PALD1: variants seen among roughly 807,000 people sequenced by gnomAD.
PALD1 encodes the protein paladin.
In PALD1, 57 loss-of-function variants were observed where a neutral mutation model predicts 96.0. The observed-to-expected ratio is 0.59, with a 90% CI of 0.48 to 0.74. PALD1 has a LOEUF of 0.74. PALD1 is among the 30% of genes least tolerant of loss of function. The probability of loss-of-function intolerance (pLI) is 0.00; values close to 1 mark genes in which losing one functional copy is unlikely to be tolerated. For synonymous variants in PALD1, 464 were observed against 473.6 expected (o/e 0.98, Z 0.26); for missense variants, 1,063 against 1,143.7 (o/e 0.93, Z 1.02).
the PALD1 span, among the ~76,000 whole-genome samples, chr10:70,465,435 G>C: frequency 6.6e-6 from 1 of 152,182 alleles, no homozygotes; most frequent in Non-Finnish European, 1.5e-5. Context: ...TCTGTAGAAG[G>C]CAGAGGCCCT....
chr10:70,555,999 TCAAAA>T (rs1847601721), intron 18 of PALD1, among the ~76,000 whole-genome samples: 2 of 150,652 alleles, frequency 1.3e-5, no homozygotes, highest in Admixed American at 6.6e-5. Flanking sequence ...AGACTCCATC[TCAAAA>T]CAAAACAAAA....
intron 1 of PALD1, among the ~76,000 whole-genome samples, chr10:70,504,482 C>T (rs1846350593): frequency 6.6e-6 from 1 of 152,226 alleles, no homozygotes; most frequent in African/African-American, 2.4e-5. Flanking sequence ...GAGATCGTGC[C>T]ACTGCACTCC....
rs557493069 is a variant in PALD1 at position 70,532,556 on chromosome 10, C to G, written c.634-65C>G. ...TGGTCTGGTCACTCCAGAGCTCAGC[C>G]AGGACACTCAGGGAGGGTCTTGAAG... is the stretch of plus-strand genomic sequence containing the variant. On this transcript the variant is annotated intron_variant, in intron 5 of 19. Coordinates refer to ENST00000263563, the MANE Select transcript of PALD1 (RefSeq NM_014431.3). 286 of 1,541,804 alleles carry G rather than the reference C, an allele frequency of 1.9e-4. 4 individuals are homozygous for G. The Middle Eastern group carries it at 3.8e-3, about 20-fold the overall frequency.
chr10:70,515,637 C>T (rs1295981471), intron 1 of PALD1, among the ~76,000 whole-genome samples: 3 of 152,158 alleles, frequency 2.0e-5, no homozygotes, highest in Non-Finnish European at 4.4e-5. Flanking sequence ...GGAGTTGGAG[C>T]CCTCGCTGTG....
At position 70,539,361 on chromosome 10, in the gene PALD1, G is replaced by T; in HGVS notation, c.1725+114G>T. On this transcript the variant is annotated intron_variant, in intron 14 of 19. Transcript: ENST00000263563. The surrounding 1 kb of genome is among the most constrained non-coding windows in gnomAD (Gnocchi z 4.5). ...AGACAGATGGAGAATCTGAGGCCCC[G>T]GGAGGAGCAGTGTCAGGGAGTGGCC... The T allele has an allele frequency of 8.4e-7, 1 of 1,197,350 alleles. No individual in the cohort carries two copies. 74.2% of individuals were successfully genotyped at this position (1,197,350 alleles called of 1,614,324 possible).
chr10:70,533,120 C>T, intron 7 of PALD1, 50 bp downstream of exon 7: 1 of 1,463,274 alleles, frequency 6.8e-7, no homozygotes, highest in South Asian at 1.2e-5. Flanking sequence ...GAGTCGTCCC[C>T]ATGGAGGTGC....
At chr10:70,542,645 T>C (rs1284627489) in intron 17 of PALD1, among the ~76,000 whole-genome samples, 1 of 152,236 alleles carries the variant, frequency 6.6e-6, no homozygotes, top group Non-Finnish European at 1.5e-5. Flanking sequence ...TCCCATTGTA[T>C]GGATAGACCA....
intron 1 of PALD1, among the ~76,000 whole-genome samples, chr10:70,490,215 G>T (rs920128479): frequency 2.7e-5 from 4 of 150,894 alleles, no homozygotes; most frequent in South Asian, 2.1e-4. Context: ...GAGCCACCAC[G>T]CCTGGCCCTC....
chr10:70,534,330 G>T, intron 8 of PALD1, 95 bp from the exon 9 acceptor site: 1 of 851,468 alleles, frequency 1.2e-6, no homozygotes, highest in African/African-American at 1.7e-5. Flanking sequence ...CTGTAGTCTG[G>T]TGTCCCCCAG....
At chr10:70,534,575 C>A in intron 9 of PALD1, 51 bp downstream of exon 9, 2 of 1,324,756 alleles carry the variant, frequency 1.5e-6, no homozygotes, top group South Asian at 1.2e-5. Flanking sequence ...AGGGGACGGT[C>A]ACTCCTCTCA....
intron 2 of PALD1, among the ~76,000 whole-genome samples, chr10:70,527,412 G>A (rs10999374): frequency 0.46 from 69,814 of 151,964 alleles, 17,153 homozygotes; most frequent in Middle Eastern, 0.59. Flanking sequence ...CCAATAGAGG[G>A]GTCAGCAAAC....
At chr10:70,560,605 T>C (rs1847718558) in intron 18 of PALD1, among the ~76,000 whole-genome samples, 1 of 151,792 alleles carries the variant, frequency 6.6e-6, no homozygotes, top group Admixed American at 6.6e-5. Flanking sequence ...GCACGTGTTC[T>C]GCTTGTGTGG....
At chr10:70,475,662 A>T (rs1845813382), upstream of PALD1, among the ~76,000 whole-genome samples, 1 of 152,120 alleles carries the variant, frequency 6.6e-6, no homozygotes, top group African/African-American at 2.4e-5. Flanking sequence ...CCAGCGAGTC[A>T]TTTGTGCCTG....
intron 1 of PALD1, among the ~76,000 whole-genome samples, chr10:70,521,262 G>T (rs10762389): frequency 0.56 from 84,974 of 151,308 alleles, 26,346 homozygotes; most frequent in South Asian, 0.72. Context: ...AGGTGCTTTT[G>T]CTGCTAGGGT....
chr10:70,558,514 C>T (rs1014269397), intron 18 of PALD1, among the ~76,000 whole-genome samples: 2 of 152,140 alleles, frequency 1.3e-5, no homozygotes, highest in Non-Finnish European at 2.9e-5. Flanking sequence ...AGCTCCCGTC[C>T]TCATGGAGTC....
intron 1 of PALD1, among the ~76,000 whole-genome samples, chr10:70,518,029 G>A (rs558550826): frequency 3.9e-4 from 59 of 152,090 alleles, no homozygotes; most frequent in African/African-American, 1.3e-3. Context: ...TCAGCTTCCC[G>A]AGTAACTGGG....
intron 1 of PALD1, among the ~76,000 whole-genome samples, chr10:70,480,383 G>T (rs922305232): frequency 1.3e-5 from 2 of 152,190 alleles, no homozygotes; most frequent in Admixed American, 6.5e-5. Context: ...CCTCTGTCGC[G>T]GGGGGTTGGG....
intron 1 of PALD1, among the ~76,000 whole-genome samples, chr10:70,484,468 C>G (rs1845983941): frequency 6.6e-6 from 1 of 151,976 alleles, no homozygotes; most frequent in Non-Finnish European, 1.5e-5. Context: ...AAACAAAACC[C>G]ATATACTTTT....
rs901660528 is a variant in PALD1, at chr10:70,508,085, G to A, written c.-29-17838G>A. Among the ~76,000 whole-genome samples the A allele has an allele frequency of 7.9e-5, 12 of 152,264 alleles. No individual in the cohort carries two copies. In the South Asian group the frequency reaches 2.5e-3, roughly 32 times the overall value. On this transcript the variant is annotated intron_variant, in intron 1 of 19. Coordinates refer to ENST00000263563, the MANE Select transcript of PALD1 (RefSeq NM_014431.3). ...GGAAGATGTGGAATGAGTGATTGGG[G>A]GGCTGGTGTGTGGCCCTCAAACTTC...
Sources: gnomAD v4.1 joint callset for allele counts (sites outside exome capture counted in the v4.1 genomes callset) on GRCh38, gnomAD v4.1.1 for gene constraint, Gnocchi (gnomAD v3.1) non-coding constraint, MANE v1.5 for transcripts, NCBI Gene and HGNC (gene_info 2026-07-23, HGNC 2026-07-21) for gene names.